PCDHA7: variants seen among roughly 807,000 people sequenced by gnomAD.
PCDHA7 encodes protocadherin alpha-7.
Under a neutral mutation model 57.2 loss-of-function variants are expected in PCDHA7, and 37 were observed. The observed-to-expected ratio is 0.65, with a 90% CI of 0.50 to 0.85. PCDHA7 has a LOEUF of 0.85. Ranked by LOEUF, PCDHA7 falls within the 40% of genes least tolerant of loss-of-function variation. PCDHA7 has a pLI of 0.00. For synonymous variants in PCDHA7, 553 were observed against 558.8 expected (o/e 0.99, Z 0.15); for missense variants, 1,188 against 1,241.8 (o/e 0.96, Z 0.65).
chr5:140,839,165 G>GA (rs2150295216), intron 1 of PCDHA7, among the ~76,000 whole-genome samples: 88,383 of 151,582 alleles, frequency 0.58, 26,857 homozygotes, highest in African/African-American at 0.73. Context: ...CTTGTTGAAA[G>GA]ATATTCAGTT....
chr5:140,838,756 G>A (rs1775869518), intron 1 of PCDHA7, among the ~76,000 whole-genome samples: 1 of 151,874 alleles, frequency 6.6e-6, no homozygotes, highest in Non-Finnish European at 1.5e-5. Context: ...TGCATCTTTT[G>A]TAGAGACTTT....
chr5:140,993,134 A>G (rs2097542279), intron 3 of PCDHA7, among the ~76,000 whole-genome samples: 1 of 152,238 alleles, frequency 6.6e-6, no homozygotes, highest in African/African-American at 2.4e-5. Flanking sequence ...CTTCTGTTGC[A>G]ACAAGTATAA....
intron 1 of PCDHA7, among the ~76,000 whole-genome samples, chr5:140,938,727 GA>G (rs2092176789): frequency 6.6e-6 from 1 of 151,904 alleles, no homozygotes; most frequent in Admixed American, 6.6e-5. Flanking sequence ...CGTTTCTACA[GA>G]AAAAAATAAT....
At chr5:140,853,825 C>A (rs1465584755) in intron 1 of PCDHA7, 1 of 986,448 alleles carries the variant, frequency 1.0e-6, no homozygotes, top group Non-Finnish European at 1.2e-6. Flanking sequence ...GATTCTCATA[C>A]AACCGAAATT....
intron 1 of PCDHA7, among the ~76,000 whole-genome samples, chr5:140,907,480 C>A (rs1300090409): frequency 6.6e-6 from 1 of 152,212 alleles, no homozygotes; most frequent in Admixed American, 6.5e-5. Flanking sequence ...GCAGGATAGG[C>A]AAACCCATAT....
chr5:140,954,316 C>T (rs1406547197), intron 1 of PCDHA7, among the ~76,000 whole-genome samples: 6 of 152,140 alleles, frequency 3.9e-5, no homozygotes, highest in South Asian at 4.1e-4. Context: ...GGGATTGCTG[C>T]GTCAAATGGT....
At chr5:140,933,392 T>C (rs1298872630) in intron 1 of PCDHA7, among the ~76,000 whole-genome samples, 3 of 152,044 alleles carry the variant, frequency 2.0e-5, no homozygotes, top group Non-Finnish European at 2.9e-5. Context: ...CCTAGAGCCA[T>C]CTGGTTACCA....
intron 3 of PCDHA7, among the ~76,000 whole-genome samples, chr5:141,008,809 C>A (rs1397377778): frequency 6.6e-6 from 1 of 152,160 alleles, no homozygotes; most frequent in African/African-American, 2.4e-5. Flanking sequence ...CAAATAGGCT[C>A]AATTTACAAC....
At chr5:140,884,577 T>C (rs2060274481) in intron 1 of PCDHA7, 2 of 1,614,230 alleles carry the variant, frequency 1.2e-6, no homozygotes, top group East Asian at 4.5e-5. Context: ...ACGGACCTCA[T>C]GGCCTTCAGT....
At chr5:141,002,435 C>A (rs958320342) in intron 3 of PCDHA7, among the ~76,000 whole-genome samples, 3 of 152,280 alleles carry the variant, frequency 2.0e-5, no homozygotes, top group South Asian at 2.1e-4. Flanking sequence ...AGGCAATAAC[C>A]ATAATAATTG....
At chr5:140,869,765 A>G in intron 1 of PCDHA7, 1 of 1,613,282 alleles carries the variant, frequency 6.2e-7, no homozygotes, top group Non-Finnish European at 8.5e-7. Context: ...GGAAAACCAG[A>G]GCTTACTGGC....
intron 1 of PCDHA7, chr5:140,875,825 A>G: frequency 6.2e-7 from 1 of 1,614,174 alleles, no homozygotes; most frequent in East Asian, 2.2e-5. Flanking sequence ...CAGGTTTTCC[A>G]TGTGGACGTG....
chr5:140,840,728 G>T (rs995381771), intron 1 of PCDHA7, among the ~76,000 whole-genome samples: 1 of 151,956 alleles, frequency 6.6e-6, no homozygotes, highest in Non-Finnish European at 1.5e-5. Context: ...ATAAAGAAAA[G>T]CAAAAATTTA....
intron 1 of PCDHA7, among the ~76,000 whole-genome samples, chr5:140,892,180 T>C (rs1176959692): frequency 6.6e-6 from 1 of 152,224 alleles, no homozygotes; most frequent in African/African-American, 2.4e-5. Context: ...GGGATCCTCA[T>C]GGGTCTATTC....
rs1237282908 is a variant in PCDHA7, at chr5:140,877,400, C to T, written c.2355+40662C>T. ...CGCATCCTGGATGAGGCGGACGCTC[C>T]GCGCCACCGCCTGCTGGTGCTGGTG... On this transcript the variant is annotated intron_variant, in intron 1 of 3. Coordinates refer to ENST00000525929, the MANE Select transcript of PCDHA7 (RefSeq NM_018910.3). The T allele has an allele frequency of 7.4e-6, 12 of 1,613,804 alleles. No homozygotes were observed. The Admixed American group carries it at 1.8e-4, about 25-fold the overall frequency.
chr5:140,903,124 T>C (rs1554190771), intron 1 of PCDHA7, among the ~76,000 whole-genome samples: 1 of 152,234 alleles, frequency 6.6e-6, no homozygotes, highest in Non-Finnish European at 1.5e-5. Context: ...TCTAAATCTT[T>C]AAGAAATCTC....
At chr5:140,967,128 T>G in intron 1 of PCDHA7, 14 of 1,612,170 alleles carry the variant, frequency 8.7e-6, no homozygotes, top group Non-Finnish European at 1.1e-5. Flanking sequence ...CTGCTCAGCT[T>G]GGAAGTGCTG....
intron 1 of PCDHA7, chr5:140,858,071 C>A: frequency 6.3e-7 from 1 of 1,597,680 alleles, no homozygotes; most frequent in Non-Finnish European, 8.6e-7. Context: ...CAGCCAGGCA[C>A]CCAAGGCCTC....
At position 140,835,282 on chromosome 5, in the gene PCDHA7, G is replaced by A. The variant is rs2150233282; in HGVS notation, c.899G>A (p.Gly300Glu). The change falls in exon 1 of 4, where the codon GGG (glycine) becomes GAG (glutamate). Residue 300 changes from glycine (G) to glutamate (E), a missense_variant. By Grantham distance (98) the Gly-to-Glu change is moderately conservative. Transcript: ENST00000525929. ...KSKFHMDPLS[G>E]AITVIGHMDF... is the part of the protein sequence containing the mutation. Reference sequence around the variant, plus strand: ...AAGTTCCACATGGACCCCTTAAGTGGGGCAATCACAGTGATAGGACATATG... The same window carrying A: ...AAGTTCCACATGGACCCCTTAAGTGAGGCAATCACAGTGATAGGACATATG... 4 of 1,611,622 alleles carry A rather than the reference G, an allele frequency of 2.5e-6. No individual in the cohort carries two copies. In the South Asian group the frequency reaches 3.3e-5, roughly 13 times the overall value.
Sources: allele counts gnomAD v4.1 joint callset (sites outside exome capture counted in the v4.1 genomes callset), GRCh38; gene constraint gnomAD v4.1.1; transcripts MANE v1.5; gene names NCBI Gene and HGNC (gene_info 2026-07-23, HGNC 2026-07-21).